The following RBM4 variants were observed in gnomAD, a reference collection of about 807,000 sequenced individuals.
The protein encoded by RBM4 is RNA binding motif protein 4.
RBM4 carries 7 observed loss-of-function variants against 29.5 expected under a neutral mutation model. That is an observed-to-expected ratio of 0.24 (90% CI 0.14 to 0.45). RBM4 has a LOEUF of 0.45. RBM4 is among the 20% of genes least tolerant of loss of function. The pLI, the probability that RBM4 is intolerant of heterozygous loss-of-function variation, is 1.00. For missense variants in RBM4, 387 were observed against 502.3 expected, an observed-to-expected ratio of 0.77 and a Z score of 2.19; for synonymous variants, 220 against 205.4, an observed-to-expected ratio of 1.07 and a Z score of -0.61.
At chr11:66,653,805 C>T (rs1268093212) in intron 2 of RBM4, among the ~76,000 whole-genome samples, 103 of 151,230 alleles carry the variant, frequency 6.8e-4, no homozygotes, top group Non-Finnish European at 7.4e-5. Flanking sequence ...TTTCTTTTTT[C>T]TCTTTTTTTT....
downstream of RBM4, among the ~76,000 whole-genome samples, chr11:66,649,248 C>T (rs1938773888): frequency 6.6e-6 from 1 of 152,196 alleles, no homozygotes; most frequent in Admixed American, 6.5e-5. Context: ...AAGTGATCCG[C>T]CTGCCTCCTA....
chr11:66,660,401 G>C (rs1206810479), intron 2 of RBM4, among the ~76,000 whole-genome samples: 1 of 148,430 alleles, frequency 6.7e-6, no homozygotes, highest in East Asian at 2.0e-4. Flanking sequence ...AACCAGGCTG[G>C]AGTGCAGTGG....
chr11:66,644,068 T>C lies in RBM4; in HGVS notation c.1031T>C (p.Leu344Pro), dbSNP rs1938583984. 6.2e-7 allele frequency: 1 copy of C among 1,614,020 alleles called. No homozygotes were observed. The highest frequency in any genetic ancestry group is 8.5e-7 in the Non-Finnish European group (1 of 1,180,010). Residue 344 changes from leucine to proline, a missense_variant, in exon 3 of 4, where the codon CTG becomes CCG. Around this residue, in one of 2 missense-constraint regions of RBM4, gnomAD observed 281 missense variants for 288.7 expected, o/e 0.97. Transcript: ENST00000310092. ...SQASAAARNS[L>P]YDMARYEREQ... ...GCTTCAGCAGCCGCGCGGAATTCTC[T>C]GTACGACATGGCCCGGTATGAGCGG...
chr11:66,652,991 A>G (rs183907062), intron 2 of RBM4, among the ~76,000 whole-genome samples: 9 of 152,330 alleles, frequency 5.9e-5, no homozygotes, highest in Admixed American at 5.2e-4. Context: ...AGTTGTCACA[A>G]CTAACAGGGA....
At chr11:66,644,815 C>G (rs988451199) in intron 3 of RBM4, 1 of 510,654 alleles carries the variant, frequency 2.0e-6, no homozygotes, top group African/African-American at 2.1e-5. Context: ...GGCATAGATG[C>G]TAACACTCAC....
chr11:66,665,723 T>C, intron 2 of RBM4: 1 of 1,388,148 alleles, frequency 7.2e-7, no homozygotes. Flanking sequence ...CTAACTCATA[T>C]CCCATGTAAT....
At chr11:66,667,459 G>A (rs1262385084) in exon 3 of RBM4, 1 of 152,152 alleles carries the variant, frequency 6.6e-6, no homozygotes, top group Non-Finnish European at 1.5e-5. Context: ...GGAAGAAACA[G>A]GAAGCATCCA....
intron 2 of RBM4, chr11:66,640,901 A>T (rs1938428027): frequency 6.6e-6 from 1 of 152,256 alleles, no homozygotes; most frequent in Non-Finnish European, 1.5e-5. Context: ...TCAAATCCCC[A>T]GCATTTTGAA....
rs1445030639 is a variant in RBM4, at chr11:66,645,445, T to G, written c.*9-582T>G. Among the ~76,000 whole-genome samples, 5 of 152,224 alleles carry G rather than the reference T, an allele frequency of 3.3e-5. No homozygotes were observed. In the East Asian group the frequency reaches 9.6e-4, roughly 29 times the overall value. ...GGTCATTGGGTAGGCAGTCACTGAT[T>G]GGGCTGGAAAAGAGACTTGATGTGT... On this transcript the variant is annotated intron_variant, in intron 3 of 3. Coordinates refer to ENST00000310092, the MANE Select transcript of RBM4 (RefSeq NM_002896.4).
intron 2 of RBM4, among the ~76,000 whole-genome samples, chr11:66,655,491 A>G (rs562043396): frequency 6.6e-6 from 1 of 152,186 alleles, no homozygotes; most frequent in Non-Finnish European, 1.5e-5. Context: ...TATGTTGCCT[A>G]CGGTGCTCTT....
At chr11:66,659,333 C>G (rs1029730124) in intron 2 of RBM4, among the ~76,000 whole-genome samples, 1 of 140,048 alleles carries the variant, frequency 7.1e-6, no homozygotes, top group African/African-American at 2.7e-5. Context: ...TGCAGTGGCG[C>G]GATCTCGGCT....
At chr11:66,652,604 A>G (rs1938855713) in intron 2 of RBM4, among the ~76,000 whole-genome samples, 1 of 152,228 alleles carries the variant, frequency 6.6e-6, no homozygotes, top group African/African-American at 2.4e-5. Context: ...AAGCCAGATT[A>G]TGATGGCTTA....
rs1170021618 is a variant in RBM4, at chr11:66,641,428, A to G, written c.412+1305A>G. On this transcript the variant is annotated intron_variant, in intron 2 of 3. Coordinates refer to ENST00000310092, the MANE Select transcript of RBM4 (RefSeq NM_002896.4). ...TAAAGAAAAGTGACACAGGTCTCTC[A>G]GGTCTAGTTTGCTTTCTTTTTTTTA... Among the ~76,000 whole-genome samples, 6 of 152,288 alleles carry G rather than the reference A, an allele frequency of 3.9e-5. No homozygotes were observed. In the East Asian group the frequency reaches 7.7e-4, roughly 20 times the overall value.
chr11:66,641,625 C>G (rs1263833977), intron 2 of RBM4, among the ~76,000 whole-genome samples: 1 of 152,140 alleles, frequency 6.6e-6, no homozygotes, highest in Non-Finnish European at 1.5e-5. Context: ...ACAGTGTGGT[C>G]TTGATTCAGG....
chr11:66,653,242 C>T (rs1938870121), intron 2 of RBM4, among the ~76,000 whole-genome samples: 2 of 152,108 alleles, frequency 1.3e-5, no homozygotes. Flanking sequence ...CATGGATTTT[C>T]TTCTGCCTCT....
At chr11:66,661,556 A>G (rs767262562) in intron 2 of RBM4, among the ~76,000 whole-genome samples, 25 of 152,186 alleles carry the variant, frequency 1.6e-4, no homozygotes, top group Non-Finnish European at 1.2e-4. Context: ...CTCATTCATC[A>G]CCATGTTCCC....
chr11:66,665,981 G>A (rs138074713), exon 3 of RBM4: 199 of 1,490,102 alleles, frequency 1.3e-4, no homozygotes, highest in African/African-American at 3.3e-4. Flanking sequence ...CATATATGGC[G>A]AATTGCACTA....
At chr11:66,648,574 G>C (rs536745071), downstream of RBM4, among the ~76,000 whole-genome samples, 5 of 151,992 alleles carry the variant, frequency 3.3e-5, no homozygotes, top group Admixed American at 6.6e-5. Context: ...CAGCACTTTG[G>C]GAGGCTGAGG....
intron 2 of RBM4, among the ~76,000 whole-genome samples, chr11:66,653,487 G>A (rs958962096): frequency 6.6e-6 from 1 of 151,058 alleles, no homozygotes; most frequent in Non-Finnish European, 1.5e-5. Context: ...TCAGCCTTCC[G>A]AGTAGCTGGG....
Sources: gnomAD v4.1 joint callset for allele counts (sites outside exome capture counted in the v4.1 genomes callset) on GRCh38, gnomAD v4.1.1 for gene constraint, gnomAD v4.1.1 regional missense constraint, MANE v1.5 for transcripts, NCBI Gene and HGNC (gene_info 2026-07-23, HGNC 2026-07-21) for gene names.